Variants in PDE9A observed in about 807,000 individuals in gnomAD.
The protein encoded by PDE9A is phosphodiesterase 9A, also known as high affinity cGMP-specific 3',5'-cyclic phosphodiesterase 9A.
In PDE9A, 60 loss-of-function variants were observed where a neutral mutation model predicts 87.4. That is an observed-to-expected ratio of 0.69 (90% CI 0.56 to 0.85). The LOEUF (loss-of-function observed/expected upper bound fraction) is 0.85, where lower values mean the gene tolerates loss of function less well. Among genes scored for constraint, PDE9A ranks in the 40% least tolerant of loss-of-function variants. PDE9A has a pLI of 0.00. For missense variants in PDE9A, 665 were observed against 779.0 expected (o/e 0.85, Z 1.74); for synonymous variants, 272 against 279.4 (o/e 0.97, Z 0.27).
At chr21:42,764,091 T>C (rs2056106799) in intron 14 of PDE9A, among the ~76,000 whole-genome samples, 1 of 152,092 alleles carries the variant, frequency 6.6e-6, no homozygotes, top group Non-Finnish European at 1.5e-5. Context: ...ACTGTGAGTG[T>C]GAAATGAGCA....
intron 4 of PDE9A, among the ~76,000 whole-genome samples, chr21:42,721,198 G>C (rs949128705): frequency 1.3e-5 from 2 of 152,152 alleles, no homozygotes; most frequent in Non-Finnish European, 2.9e-5. Flanking sequence ...AAGGAAGAGA[G>C]GAGGGCAGGG....
In PDE9A at chr21:42,751,147, G is replaced by C. The variant is rs1447095576; in HGVS notation, c.685G>C (p.Asp229His). Residue 229 changes from aspartate (D) to histidine (H), a missense_variant, in exon 9 of 20, where the codon GAT (aspartate) becomes CAT (histidine). Coordinates refer to ENST00000291539, the MANE Select transcript of PDE9A (RefSeq NM_002606.3). Reference sequence around the variant, plus strand: ...CTGCCCCTGTAAGTACAGTTTTTTGGATAACCACAAGAAGTTGACTCCTCG... The same window carrying C: ...CTGCCCCTGTAAGTACAGTTTTTTGCATAACCACAAGAAGTTGACTCCTCG... Reference protein sequence around the residue: ...TNCPCKYSFLDNHKKLTPRRD... With the variant: ...TNCPCKYSFLHNHKKLTPRRD... The C allele has an allele frequency of 2.5e-6, 4 of 1,612,874 alleles. No homozygotes were observed. The African/African-American group carries it at 4.0e-5, about 16-fold the overall frequency.
At chr21:42,709,761 G>A (rs141907201) in intron 4 of PDE9A, among the ~76,000 whole-genome samples, 356 of 152,266 alleles carry the variant, frequency 2.3e-3, no homozygotes, top group African/African-American at 8.0e-3. Flanking sequence ...ATGGCTCACT[G>A]CAGCCTCGAC....
intron 1 of PDE9A, among the ~76,000 whole-genome samples, chr21:42,654,725 C>T (rs2056919811): frequency 6.6e-6 from 1 of 152,170 alleles, no homozygotes; most frequent in Admixed American, 6.5e-5. Context: ...AGAGCAGGTG[C>T]CGGCCAGGCT....
chr21:42,733,106 G>A (rs1052247409), intron 6 of PDE9A, among the ~76,000 whole-genome samples: 13 of 152,146 alleles, frequency 8.5e-5, no homozygotes, highest in African/African-American at 2.7e-4. Flanking sequence ...GCTCAGGCCC[G>A]AAGAAGTAAA....
chr21:42,729,276 G>A (rs2051470247), intron 4 of PDE9A, among the ~76,000 whole-genome samples: 1 of 152,156 alleles, frequency 6.6e-6, no homozygotes, highest in Non-Finnish European at 1.5e-5. Context: ...AGTTATGTGT[G>A]TAGAGGCATT....
intron 4 of PDE9A, among the ~76,000 whole-genome samples, chr21:42,729,087 T>G (rs954014290): frequency 2.0e-5 from 3 of 152,110 alleles, no homozygotes; most frequent in Admixed American, 6.5e-5. Context: ...TTTTTAAACA[T>G]TTGGTAGAAT....
At chr21:42,689,964 C>T (rs766736458) in intron 3 of PDE9A, 69 of 983,776 alleles carry the variant, frequency 7.0e-5, no homozygotes, top group Non-Finnish European at 8.1e-5. Context: ...GAGACACACG[C>T]GGATGAGGAT....
chr21:42,686,368 G>A (rs1367488236), intron 2 of PDE9A, 106 bp downstream of exon 2: 4 of 863,014 alleles, frequency 4.6e-6, no homozygotes, highest in Non-Finnish European at 7.7e-6. Flanking sequence ...CGAGGCACCG[G>A]CCTTCTACAA....
intron 4 of PDE9A, among the ~76,000 whole-genome samples, chr21:42,701,668 C>T (rs2048398500): frequency 6.6e-6 from 1 of 152,124 alleles, no homozygotes; most frequent in Non-Finnish European, 1.5e-5. Flanking sequence ...AACTCCTAAA[C>T]TCAAGTAATC....
At chr21:42,697,469 G>C (rs2060206141) in intron 3 of PDE9A, 1 of 1,609,044 alleles carries the variant, frequency 6.2e-7, no homozygotes, top group Non-Finnish European at 8.5e-7. Flanking sequence ...TACCTAGTAA[G>C]GAGTCATGGG....
At chr21:42,685,330 G>T (rs2059394808) in intron 1 of PDE9A, among the ~76,000 whole-genome samples, 1 of 152,260 alleles carries the variant, frequency 6.6e-6, no homozygotes, top group Non-Finnish European at 1.5e-5. Flanking sequence ...CATCCCGCGC[G>T]TAGGTGGTGT....
chr21:42,727,901 T>A (rs901293323), intron 4 of PDE9A, among the ~76,000 whole-genome samples: 5 of 152,164 alleles, frequency 3.3e-5, no homozygotes, highest in Non-Finnish European at 5.9e-5. Flanking sequence ...CCTATTGCAC[T>A]GGCTAGGACT....
In PDE9A at chr21:42,732,716, A is replaced by G. The variant is rs571057087; in HGVS notation, c.497+592A>G. Among the ~76,000 whole-genome samples, 217 of 152,256 alleles carry G rather than the reference A, an allele frequency of 1.4e-3. 1 individual carries two copies. Among genetic ancestry groups the G allele is most frequent in the African/African-American group, 5.1e-3 (210 of 41,542 alleles). On this transcript the variant is annotated intron_variant, in intron 6 of 19. Transcript: ENST00000291539. ...GATCACCTGAGGTCGGGAGTTCAAG[A>G]CCAGCCTGACCAACATGGAGAAACC...
intron 7 of PDE9A, among the ~76,000 whole-genome samples, chr21:42,737,297 G>T (rs2052559356): frequency 6.6e-6 from 1 of 152,242 alleles, no homozygotes; most frequent in Non-Finnish European, 1.5e-5. Flanking sequence ...ATACACATGT[G>T]AAATCACACA....
Position 42,653,898 on chromosome 21 carries a change from A to ACCCAGACACCCCCTCCTCCCCCC in PDE9A, c.69+16_69+38dup, listed in dbSNP as rs1569082395. 18 of 1,413,678 alleles carry ACCCAGACACCCCCTCCTCCCCCC rather than the reference A, an allele frequency of 1.3e-5. No homozygotes were observed. Among genetic ancestry groups the ACCCAGACACCCCCTCCTCCCCCC allele is most frequent in the African/African-American group, 1.5e-5 (1 of 67,636 alleles). The allele number at this position is 1,413,678 out of a possible 1,614,324, so 87.6% of individuals were successfully genotyped here. Reference sequence around the variant, plus strand: ...GCATTCAGAAGGTAGCCCCTCCCCCACCCAGACACCCCCTCCTCCCCCCGG... The same window carrying ACCCAGACACCCCCTCCTCCCCCC: ...GCATTCAGAAGGTAGCCCCTCCCCCACCCAGACACCCCCTCCTCCCCCCCCCAGACACCCCCTCCTCCCCCCGG... On this transcript the variant is annotated intron_variant, in intron 1 of 19. Coordinates refer to ENST00000291539, the MANE Select transcript of PDE9A (RefSeq NM_002606.3).
At chr21:42,656,954 G>C (rs1249121286) in intron 1 of PDE9A, among the ~76,000 whole-genome samples, 1 of 152,248 alleles carries the variant, frequency 6.6e-6, no homozygotes, top group Non-Finnish European at 1.5e-5. Flanking sequence ...CGTGTTTATT[G>C]AGCATCTACT....
chr21:42,670,158 CACACACAT>C (rs1278695731), intron 1 of PDE9A, among the ~76,000 whole-genome samples: 1 of 101,558 alleles, frequency 9.8e-6, no homozygotes, highest in Non-Finnish European at 2.4e-5. Context: ...CATTCACACG[CACACACAT>C]TCACACGCAC....
Position 42,721,484 on chromosome 21 carries a change from G to A in PDE9A, c.263-10286G>A, listed in dbSNP as rs527483739. 1.2e-4 allele frequency among the ~76,000 whole-genome samples: 18 copies of A among 152,346 alleles called. No homozygotes were observed. In the East Asian group the frequency reaches 3.5e-3, roughly 29 times the overall value. On this transcript the variant is annotated intron_variant, in intron 4 of 19. Coordinates refer to ENST00000291539, the MANE Select transcript of PDE9A (RefSeq NM_002606.3). ...CCTTGGCAGGCAGGACAGGCCAGAG[G>A]AAGGGCTCCTGTGCCTTTAAGGTCA...
Sources: allele counts gnomAD v4.1 joint callset (sites outside exome capture counted in the v4.1 genomes callset), GRCh38; gene constraint gnomAD v4.1.1; transcripts MANE v1.5; gene names NCBI Gene and HGNC (gene_info 2026-07-23, HGNC 2026-07-21).